The following CAST variants were observed in gnomAD, a reference collection of about 807,000 sequenced individuals.
The protein encoded by CAST is calpastatin.
In CAST, 76 loss-of-function variants were observed where a neutral mutation model predicts 119.6. That is an observed-to-expected ratio of 0.64 (90% CI 0.53 to 0.77). The LOEUF (loss-of-function observed/expected upper bound fraction) is 0.77. Among genes scored for constraint, CAST ranks in the 30% least tolerant of loss-of-function variants. The pLI is 0.00. For synonymous variants in CAST, 319 were observed against 331.6 expected (o/e 0.96, Z 0.41); for missense variants, 953 against 946.5 (o/e 1.01, Z -0.09).
the CAST span, among the ~76,000 whole-genome samples, chr5:96,412,752 G>GTTTTTTTGTTTT: frequency 5.6e-5 from 4 of 71,832 alleles, no homozygotes; most frequent in African/African-American, 2.7e-4. Context: ...CAGCTGTGAT[G>GTTTTTTTGTTTT]TTTTTTTTTT....
At chr5:96,163,967 G>C in the CAST span, among the ~76,000 whole-genome samples, 6 of 151,988 alleles carry the variant, frequency 3.9e-5, no homozygotes, top group African/African-American at 1.2e-4. Flanking sequence ...TTCTTCATCT[G>C]TAAAATGGGC....
At chr5:95,982,080 A>G in the CAST span, among the ~76,000 whole-genome samples, 4 of 151,744 alleles carry the variant, frequency 2.6e-5, no homozygotes, top group East Asian at 7.8e-4. Context: ...TGTATTACAT[A>G]TAAGATGTAA....
At chr5:96,228,003 C>CTGTGTG in the CAST span, among the ~76,000 whole-genome samples, 1 of 146,682 alleles carries the variant, frequency 6.8e-6, no homozygotes, top group Admixed American at 6.7e-5. Flanking sequence ...CTTTCTCTCT[C>CTGTGTG]TGTGTGTGTG....
the CAST span, among the ~76,000 whole-genome samples, chr5:96,486,916 C>CT: frequency 6.6e-6 from 1 of 151,650 alleles, no homozygotes; most frequent in Admixed American, 6.6e-5. Flanking sequence ...GCCAAATAAT[C>CT]TAAGAAAAAA....
At chr5:96,675,453 G>T (rs1198372246) in intron 1 of CAST, 86 bp from the exon 2 acceptor site, 2 of 885,294 alleles carry the variant, frequency 2.3e-6, no homozygotes, top group East Asian at 2.5e-5. Context: ...TTTTAAAAAA[G>T]GGTATGCATT....
At chr5:96,035,177 GTA>G in the CAST span, among the ~76,000 whole-genome samples, 59 of 129,846 alleles carry the variant, frequency 4.5e-4, no homozygotes, top group African/African-American at 5.2e-4. Flanking sequence ...ATATTTTGAA[GTA>G]TATATATAAA....
At position 96,762,284 on chromosome 5, in the gene CAST, A is replaced by C. The variant is rs1233698522; in HGVS notation, c.1844A>C (p.Asp615Ala). Residue 615 changes from aspartate to alanine, a missense_variant, in exon 25 of 32, where the codon GAT becomes GCT. Asp to Ala is a moderately radical substitution (Grantham distance 126). Coordinates refer to ENST00000675179, the MANE Select transcript of CAST (RefSeq NM_001750.7). ...PQNASSLKFE[D>A]AKLAAAISEV... is the part of the protein sequence containing the mutation. ...TTTTTTCAATAAAAGAAATTTGAAG[A>C]TGCTAAACTTGCTGCTGCCATCTCT... is the stretch of plus-strand genomic sequence containing the variant. 3 of 1,604,982 alleles carry C rather than the reference A, an allele frequency of 1.9e-6. No individual in the cohort carries two copies. The highest frequency in any genetic ancestry group is 2.5e-6 in the Non-Finnish European group (3 of 1,177,424).
the CAST span, among the ~76,000 whole-genome samples, chr5:96,461,176 G>A: frequency 3.3e-5 from 5 of 152,074 alleles, no homozygotes; most frequent in Non-Finnish European, 1.5e-5. Flanking sequence ...CCTTCATGCT[G>A]TAGCATATTT....
chr5:96,515,723 G>A, the CAST span, among the ~76,000 whole-genome samples: 1 of 152,120 alleles, frequency 6.6e-6, no homozygotes, highest in African/African-American at 2.4e-5. Context: ...GCAAGAGACA[G>A]GGAAAAGCCA....
the CAST span, among the ~76,000 whole-genome samples, chr5:96,169,114 A>G: frequency 1.3e-5 from 2 of 152,228 alleles, no homozygotes; most frequent in South Asian, 4.1e-4. Flanking sequence ...TGTTTTGTAG[A>G]AGGGATTGGG....
chr5:96,414,530 A>C, the CAST span, among the ~76,000 whole-genome samples: 1,727 of 152,314 alleles, frequency 0.011, 35 homozygotes, highest in African/African-American at 0.04. Flanking sequence ...CTGACATACA[A>C]TAGGTGCCTA....
chr5:96,330,441 G>T, the CAST span, among the ~76,000 whole-genome samples: 1 of 152,126 alleles, frequency 6.6e-6, no homozygotes. Context: ...GTCTCAAGGG[G>T]CTTCATTTTA....
the CAST span, among the ~76,000 whole-genome samples, chr5:96,036,089 G>A: frequency 6.6e-6 from 1 of 150,622 alleles, no homozygotes; most frequent in Non-Finnish European, 1.5e-5. Context: ...AAAAAAAAAA[G>A]AGAGAGAGAA....
the CAST span, among the ~76,000 whole-genome samples, chr5:96,279,764 C>G: frequency 6.6e-6 from 1 of 152,186 alleles, no homozygotes; most frequent in Non-Finnish European, 1.5e-5. Context: ...AAAAACTGAG[C>G]TGACCATTAA....
chr5:96,372,474 G>A, the CAST span, among the ~76,000 whole-genome samples: 1 of 152,100 alleles, frequency 6.6e-6, no homozygotes, highest in South Asian at 2.1e-4. Context: ...TGGAAATTTG[G>A]AACCCATTGG....
At chr5:96,195,516 A>G in the CAST span, among the ~76,000 whole-genome samples, 20,255 of 152,200 alleles carry the variant, frequency 0.13, 1,875 homozygotes, top group African/African-American at 0.24. Flanking sequence ...GACAGATTCT[A>G]TAAAATTCTT....
intron 1 of CAST, among the ~76,000 whole-genome samples, chr5:96,612,368 G>C (rs537744190): frequency 4.6e-5 from 7 of 152,158 alleles, no homozygotes; most frequent in Non-Finnish European, 8.8e-5. Flanking sequence ...TTATAAGTGA[G>C]AGCTAAACAT....
the CAST span, among the ~76,000 whole-genome samples, chr5:96,056,834 G>A: frequency 6.6e-6 from 1 of 152,104 alleles, no homozygotes; most frequent in African/African-American, 2.4e-5. Context: ...GCATATGTGT[G>A]GGGAGACTTG....
At chr5:96,426,161 T>A in the CAST span, among the ~76,000 whole-genome samples, 1 of 152,164 alleles carries the variant, frequency 6.6e-6, no homozygotes, top group Non-Finnish European at 1.5e-5. Context: ...AAGCAGTCAG[T>A]GAAATGATAA....
Sources: allele counts gnomAD v4.1 joint callset (sites outside exome capture counted in the v4.1 genomes callset), GRCh38; gene constraint gnomAD v4.1.1; transcripts MANE v1.5; gene names NCBI Gene and HGNC (gene_info 2026-07-23, HGNC 2026-07-21).